CNTN1: variants seen among roughly 807,000 people sequenced by gnomAD.
CNTN1 encodes the protein contactin-1.
Under a neutral mutation model 126.4 loss-of-function variants are expected in CNTN1, and 38 were observed. The observed-to-expected ratio is 0.30, with a 90% CI of 0.23 to 0.39. The LOEUF (loss-of-function observed/expected upper bound fraction) is 0.39, where lower values mean the gene tolerates loss of function less well. Ranked by LOEUF, CNTN1 falls within the 10% of genes least tolerant of loss-of-function variation. The pLI, the probability that CNTN1 is intolerant of heterozygous loss-of-function variation, is 1.00. For missense variants in CNTN1, 1,009 were observed against 1,248.4 expected (o/e 0.81, Z 2.89); for synonymous variants, 413 against 422.6 (o/e 0.98, Z 0.28).
At chr12:40,692,964 G>T (rs925313423) in intron 1 of CNTN1, among the ~76,000 whole-genome samples, 5 of 152,166 alleles carry the variant, frequency 3.3e-5, no homozygotes, top group Admixed American at 1.3e-4. Context: ...CAGAGAGGTC[G>T]GCAGCCCGGG....
intron 12 of CNTN1, 37 bp downstream of exon 12, chr12:40,939,522 G>A (rs1240512894): frequency 1.2e-6 from 2 of 1,606,494 alleles, no homozygotes; most frequent in Non-Finnish European, 1.7e-6. Flanking sequence ...TGCAAAATCT[G>A]TTTGAAAAAG....
chr12:40,952,344 G>A (rs980149915), intron 14 of CNTN1, among the ~76,000 whole-genome samples: 1 of 151,962 alleles, frequency 6.6e-6, no homozygotes, highest in African/African-American at 2.4e-5. Flanking sequence ...TTCATTATTA[G>A]GGCTATGAAA....
intron 16 of CNTN1, among the ~76,000 whole-genome samples, chr12:40,988,583 AGGC>A (rs976791142): frequency 6.6e-6 from 1 of 152,142 alleles, no homozygotes; most frequent in Non-Finnish European, 1.5e-5. Context: ...GATACCCATG[AGGC>A]TTGATTCTCT....
At chr12:40,710,452 G>C (rs1368047331) in intron 1 of CNTN1, among the ~76,000 whole-genome samples, 1 of 152,130 alleles carries the variant, frequency 6.6e-6, no homozygotes, top group African/African-American at 2.4e-5. Flanking sequence ...GAAATATTGT[G>C]AGAATTACCA....
At chr12:40,790,046 CA>C (rs1391585655) in intron 1 of CNTN1, among the ~76,000 whole-genome samples, 3 of 152,104 alleles carry the variant, frequency 2.0e-5, no homozygotes, top group Non-Finnish European at 2.9e-5. Flanking sequence ...GATCTTCCCA[CA>C]TGTGTGCTGC....
chr12:40,925,636 T>G (rs1000163548), intron 6 of CNTN1, among the ~76,000 whole-genome samples: 56 of 145,602 alleles, frequency 3.8e-4, no homozygotes, highest in South Asian at 6.4e-4. Context: ...CATATATATA[T>G]ATAGAGAGAG....
At chr12:40,875,812 C>T (rs1341757800) in intron 1 of CNTN1, among the ~76,000 whole-genome samples, 5 of 151,952 alleles carry the variant, frequency 3.3e-5, no homozygotes, top group Admixed American at 2.6e-4. Context: ...TAAATATAAG[C>T]TTCTATGAAT....
At chr12:40,737,449 C>A (rs773699511) in intron 1 of CNTN1, among the ~76,000 whole-genome samples, 1 of 149,784 alleles carries the variant, frequency 6.7e-6, no homozygotes, top group African/African-American at 2.5e-5. Context: ...AGCTGAGGAG[C>A]AAGGAGAGCC....
intron 1 of CNTN1, among the ~76,000 whole-genome samples, chr12:40,877,042 C>A (rs1344517194): frequency 6.6e-6 from 1 of 152,114 alleles, no homozygotes; most frequent in East Asian, 1.9e-4. Context: ...GCTCTAAGAA[C>A]TGAATTTCGC....
chr12:40,707,227 C>CTTTTTTTTTTTTTTTTTTTTTTT lies in CNTN1; in HGVS notation c.-77+14652_-77+14674dup, dbSNP rs370984371. ...TTCCTCTTTCATTTCTTTTCTTTTT[C>CTTTTTTTTTTTTTTTTTTTTTTT]TTTTTTTTTTTTTTTTTTTTTTTTT... is the stretch of plus-strand genomic sequence containing the variant. On this transcript the variant is annotated intron_variant, in intron 1 of 23. Coordinates refer to ENST00000551295, the MANE Select transcript of CNTN1 (RefSeq NM_001843.4). Among the ~76,000 whole-genome samples the CTTTTTTTTTTTTTTTTTTTTTTT allele has an allele frequency of 6.0e-4, 66 of 109,182 alleles. 8 individuals carry two copies. Among genetic ancestry groups the CTTTTTTTTTTTTTTTTTTTTTTT allele is most frequent in the African/African-American group, 9.2e-4 (24 of 26,102 alleles). The allele number at this position is 109,182 out of a possible 152,430, so 71.6% of individuals were successfully genotyped here.
chr12:40,933,104 T>G (rs1387146766), intron 7 of CNTN1, among the ~76,000 whole-genome samples: 1 of 151,860 alleles, frequency 6.6e-6, no homozygotes, highest in Non-Finnish European at 1.5e-5. Context: ...CTCTTCTCCT[T>G]CTTCTCTTTC....
Position 40,922,969 on chromosome 12 carries a change from TA to T in CNTN1, c.400+561del, listed in dbSNP as rs35911311. Reference sequence around the variant, plus strand: ...CTGATGACAGAGCAAGACTCTGCCTTAAAAAAAAAAAAAAAAAAAAGACATC... The same window carrying T: ...CTGATGACAGAGCAAGACTCTGCCTTAAAAAAAAAAAAAAAAAAAGACATC... On this transcript the variant is annotated intron_variant, in intron 5 of 23. Coordinates refer to ENST00000551295, the MANE Select transcript of CNTN1 (RefSeq NM_001843.4). Among the ~76,000 whole-genome samples the T allele has an allele frequency of 3.8e-3, 381 of 101,584 alleles. 2 individuals are homozygous for T. The highest frequency in any genetic ancestry group is 0.011 in the Middle Eastern group (2 of 178). The allele number at this position is 101,584 out of a possible 152,430, so 66.6% of individuals were successfully genotyped here. A position where few individuals can be genotyped will look rare whatever the true frequency, so the allele number is the denominator to read the frequency against.
intron 17 of CNTN1, among the ~76,000 whole-genome samples, chr12:41,000,948 G>A (rs1468453257): frequency 6.6e-6 from 1 of 152,136 alleles, no homozygotes; most frequent in Non-Finnish European, 1.5e-5. Context: ...CCATGTCCCT[G>A]CAAAGTACAT....
rs945461522 is a variant in CNTN1 at position 40,778,907 on chromosome 12, T to C, written c.-77+86315T>C. On this transcript the variant is annotated intron_variant, in intron 1 of 23. Coordinates refer to ENST00000551295, the MANE Select transcript of CNTN1 (RefSeq NM_001843.4). The stretch of plus-strand genomic sequence containing the variant: ...GTTGCCTGTTTGAAACTATTTTTGG[T>C]TGATAGTCAGGAAATTCCATGAGTG... Among the ~76,000 whole-genome samples, 6 of 151,928 alleles carry C rather than the reference T, an allele frequency of 3.9e-5. 1 individual carries two copies. Among genetic ancestry groups the C allele is most frequent in the African/African-American group, 1.4e-4 (6 of 41,538 alleles).
intron 1 of CNTN1, among the ~76,000 whole-genome samples, chr12:40,863,943 C>G (rs1328269703): frequency 6.8e-6 from 1 of 146,244 alleles, no homozygotes; most frequent in Non-Finnish European, 1.5e-5. Context: ...TCCCTCCCTC[C>G]CTCCCTCCCT....
At chr12:41,051,272 C>T (rs1028322041) in intron 23 of CNTN1, among the ~76,000 whole-genome samples, 3 of 151,382 alleles carry the variant, frequency 2.0e-5, no homozygotes, top group Non-Finnish European at 4.4e-5. Flanking sequence ...CTCAGCCTCC[C>T]AAGTAGCTGG....
chr12:40,966,088 A>G (rs113366708), intron 15 of CNTN1, among the ~76,000 whole-genome samples: 129 of 151,736 alleles, frequency 8.5e-4, no homozygotes, highest in African/African-American at 2.9e-3. Context: ...TAAAGGCAGA[A>G]AGATCTGGGT....
rs943504127 is a variant in CNTN1 at position 40,747,653 on chromosome 12, G to T, written c.-77+55061G>T. On this transcript the variant is annotated intron_variant, in intron 1 of 23. Transcript: ENST00000551295. Reference sequence around the variant, plus strand: ...TGGATGGAGAATAGCTTGCAGAGGGGAGAGGAAGTAAGGAATCTAGTCAGG... The same window carrying T: ...TGGATGGAGAATAGCTTGCAGAGGGTAGAGGAAGTAAGGAATCTAGTCAGG... Among the ~76,000 whole-genome samples, 12 of 152,172 alleles carry T rather than the reference G, an allele frequency of 7.9e-5. 1 individual carries two copies. The highest frequency in any genetic ancestry group is 2.9e-4 in the African/African-American group (12 of 41,528).
intron 1 of CNTN1, among the ~76,000 whole-genome samples, chr12:40,715,404 G>C (rs555438122): frequency 6.6e-6 from 1 of 152,202 alleles, no homozygotes; most frequent in Admixed American, 6.5e-5. Context: ...ATTCGTTTAT[G>C]CATAGGATAG....
Sources: gnomAD v4.1 joint callset for allele counts (sites outside exome capture counted in the v4.1 genomes callset) on GRCh38, gnomAD v4.1.1 for gene constraint, MANE v1.5 for transcripts, NCBI Gene and HGNC (gene_info 2026-07-23, HGNC 2026-07-21) for gene names.